NELL2: variants seen among roughly 807,000 people sequenced by gnomAD.
The protein encoded by NELL2 is neural EGFL like 2, also known as protein kinase C-binding protein NELL2.
NELL2 carries 41 observed loss-of-function variants against 109.6 expected under a neutral mutation model. That is an observed-to-expected ratio of 0.37 (90% CI 0.29 to 0.49). The LOEUF (loss-of-function observed/expected upper bound fraction) is 0.49. NELL2 is among the 20% of genes least tolerant of loss of function. The pLI, the probability that NELL2 is intolerant of heterozygous loss-of-function variation, is 0.98. For missense variants in NELL2, 900 were observed against 1,008.3 expected, an observed-to-expected ratio of 0.89 and a Z score of 1.45; for synonymous variants, 355 against 344.7, an observed-to-expected ratio of 1.03 and a Z score of -0.33.
At chr12:44,560,197 T>C (rs1943415544) in intron 15 of NELL2, among the ~76,000 whole-genome samples, 1 of 152,168 alleles carries the variant, frequency 6.6e-6, no homozygotes, top group South Asian at 2.1e-4. Flanking sequence ...CGGAAATTTA[T>C]AGCACTAAAT....
rs1714919910 is a variant in NELL2 at position 44,520,063 on chromosome 12, C to T, written c.2342G>A (p.Arg781His). 4.3e-6 allele frequency: 7 copies of T among 1,613,972 alleles called. No homozygotes were observed. The highest frequency in any genetic ancestry group is 3.3e-5 in the Admixed American group (2 of 59,986). Reference sequence around the variant, plus strand: ...TTTGATCCAAGAGGACCCGGTGAAGCGAACCACATTCATTTCGTCCAGGCA... The same window carrying T: ...TTTGATCCAAGAGGACCCGGTGAAGTGAACCACATTCATTTCGTCCAGGCA... The part of the protein sequence containing the change: ...KTCLDEMNVV[R>H]FTGSSWIKHG... Residue 781 changes from arginine to histidine, a missense_variant, in exon 19 of 20, where the codon CGC (arginine) becomes CAC (histidine). Physicochemically the swap from Arg to His is conservative, Grantham distance 29. This residue lies in a region of NELL2 where 333 missense variants were observed against 432.3 expected (regional missense o/e 0.77). Coordinates refer to ENST00000429094, the MANE Select transcript of NELL2 (RefSeq NM_001145108.2).
At chr12:44,568,778 T>C (rs1943755593) in intron 15 of NELL2, among the ~76,000 whole-genome samples, 1 of 152,058 alleles carries the variant, frequency 6.6e-6, no homozygotes, top group Non-Finnish European at 1.5e-5. Flanking sequence ...TTATATATGC[T>C]TTATATATAC....
chr12:44,876,120 G>A lies in NELL2; in HGVS notation c.-251C>T. On this transcript the variant is annotated 5_prime_UTR_variant, in exon 1 of 20. Coordinates refer to ENST00000429094, the MANE Select transcript of NELL2 (RefSeq NM_001145108.2). Reference sequence around the variant, plus strand: ...AGGGCCGAGGCGGCAGCGCGGCCCGGAGGGGGCCCGGAGGGAGGGGTCGGA... The same window carrying A: ...AGGGCCGAGGCGGCAGCGCGGCCCGAAGGGGGCCCGGAGGGAGGGGTCGGA... The A allele has an allele frequency of 7.6e-7, 1 of 1,316,366 alleles. No individual in the cohort carries two copies. The highest frequency in any genetic ancestry group is 9.7e-7 in the Non-Finnish European group (1 of 1,032,994). The allele number at this position is 1,316,366 out of a possible 1,614,324, so 81.5% of individuals were successfully genotyped here. A position where few individuals can be genotyped will look rare whatever the true frequency, so the allele number is the denominator to read the frequency against.
intron 13 of NELL2, among the ~76,000 whole-genome samples, chr12:44,657,126 A>G (rs532259169): frequency 1.2e-4 from 18 of 152,350 alleles, no homozygotes; most frequent in African/African-American, 4.3e-4. Context: ...GCACCCAAAA[A>G]TAGTATCCAA....
chr12:44,761,527 G>T (rs928966805), intron 9 of NELL2, among the ~76,000 whole-genome samples: 2 of 152,086 alleles, frequency 1.3e-5, no homozygotes, highest in African/African-American at 4.8e-5. Flanking sequence ...TCACTATATG[G>T]TATCTACCTA....
At chr12:44,703,593 T>C in intron 12 of NELL2, 133 bp downstream of exon 12, 1 of 911,396 alleles carries the variant, frequency 1.1e-6, no homozygotes, top group Admixed American at 2.4e-5. Context: ...TTTTAGCTGA[T>C]TAATATGCTT....
At chr12:44,883,861 A>G (rs1430644849) in intron 1 of NELL2, among the ~76,000 whole-genome samples, 4 of 151,992 alleles carry the variant, frequency 2.6e-5, no homozygotes, top group Admixed American at 2.6e-4. Context: ...GTAAAATGGA[A>G]TTCTAAAAAT....
At chr12:44,869,000 T>C (rs1945088585) in intron 2 of NELL2, among the ~76,000 whole-genome samples, 1 of 152,228 alleles carries the variant, frequency 6.6e-6, no homozygotes, top group African/African-American at 2.4e-5. Flanking sequence ...TATACAATTT[T>C]GTCAATTTAA....
rs184176861 is a variant in NELL2, at chr12:44,770,119, C to T, written c.994+4628G>A. On this transcript the variant is annotated intron_variant, in intron 9 of 19. Transcript: ENST00000429094. Reference sequence around the variant, plus strand: ...ATAAAATGGGAATAATGAAACCATACCTCCCAAAAGCAAATGGCTATTTCA... The same window carrying T: ...ATAAAATGGGAATAATGAAACCATATCTCCCAAAAGCAAATGGCTATTTCA... Among the ~76,000 whole-genome samples the T allele has an allele frequency of 2.7e-3, 410 of 152,196 alleles. 3 individuals carry two copies. The highest frequency in any genetic ancestry group is 0.017 in the Middle Eastern group (5 of 294).
chr12:44,909,446 C>T (rs1453521639), intron 1 of NELL2, among the ~76,000 whole-genome samples: 2 of 151,136 alleles, frequency 1.3e-5, no homozygotes, highest in African/African-American at 4.9e-5. Flanking sequence ...ATGACACAAA[C>T]AAATGGAAAT....
chr12:44,822,189 C>G (rs1943568370), intron 2 of NELL2, among the ~76,000 whole-genome samples: 1 of 152,066 alleles, frequency 6.6e-6, no homozygotes, highest in South Asian at 2.1e-4. Context: ...CATGAGGTTC[C>G]AATTCCAACC....
chr12:44,909,022 T>C (rs940609296), intron 1 of NELL2, among the ~76,000 whole-genome samples: 1 of 151,826 alleles, frequency 6.6e-6, no homozygotes, highest in Non-Finnish European at 1.5e-5. Flanking sequence ...CAATGCTCTA[T>C]TAAGTTGAAA....
At chr12:44,818,121 G>T (rs1943414233) in intron 2 of NELL2, among the ~76,000 whole-genome samples, 1 of 152,096 alleles carries the variant, frequency 6.6e-6, no homozygotes, top group Non-Finnish European at 1.5e-5. Flanking sequence ...TTCTCTCCAG[G>T]CTCTATTACA....
chr12:44,831,944 C>T (rs73279132), intron 2 of NELL2, among the ~76,000 whole-genome samples: 3,459 of 152,204 alleles, frequency 0.023, 73 homozygotes, highest in East Asian at 0.049. Flanking sequence ...TTAGCCTATT[C>T]CCTAAGTAAT....
intron 2 of NELL2, among the ~76,000 whole-genome samples, chr12:44,845,121 G>C (rs2055677): frequency 0.85 from 129,056 of 152,120 alleles, 54,981 homozygotes; most frequent in Middle Eastern, 0.95. Context: ...AAGTATTTGA[G>C]CACTTGTAAC....
chr12:44,598,986 G>C (rs1037091886), intron 15 of NELL2, among the ~76,000 whole-genome samples: 5 of 151,924 alleles, frequency 3.3e-5, no homozygotes, highest in Admixed American at 3.3e-4. Flanking sequence ...TGCTTGAGTG[G>C]GGAGAAAAAG....
intron 2 of NELL2, among the ~76,000 whole-genome samples, chr12:44,823,952 T>C (rs969814086): frequency 1.3e-5 from 2 of 152,234 alleles, no homozygotes; most frequent in Non-Finnish European, 2.9e-5. Context: ...AGGTGATATC[T>C]CAATTTTTTA....
intron 15 of NELL2, among the ~76,000 whole-genome samples, chr12:44,553,678 GAAA>G (rs1565915489): frequency 1.3e-5 from 2 of 152,098 alleles, no homozygotes; most frequent in East Asian, 3.9e-4. Context: ...TATGGGTATC[GAAA>G]ATCACATGTA....
At chr12:44,820,829 G>A (rs1943518027) in intron 2 of NELL2, among the ~76,000 whole-genome samples, 1 of 151,970 alleles carries the variant, frequency 6.6e-6, no homozygotes, top group African/African-American at 2.4e-5. Flanking sequence ...ACATACATGT[G>A]GACATGTCCA....
Sources: gnomAD v4.1 joint callset for allele counts (sites outside exome capture counted in the v4.1 genomes callset) on GRCh38, gnomAD v4.1.1 for gene constraint, gnomAD v4.1.1 regional missense constraint, MANE v1.5 for transcripts, NCBI Gene and HGNC (gene_info 2026-07-23, HGNC 2026-07-21) for gene names.